SPIDR: variants seen among roughly 807,000 people sequenced by gnomAD.
SPIDR encodes scaffold protein involved in DNA repair.
Under a neutral mutation model 104.6 loss-of-function variants are expected in SPIDR, and 93 were observed. That is an observed-to-expected ratio of 0.89 (90% confidence interval 0.75 to 1.06). The LOEUF is 1.06. SPIDR is among the 50% of genes least tolerant of loss of function. The pLI is 0.00. For missense variants in SPIDR, 1,154 were observed against 1,111.2 expected (o/e 1.04, Z -0.55); for synonymous variants, 431 against 416.9 (o/e 1.03, Z -0.41).
chr8:47,284,020 G>A lies in SPIDR; in HGVS notation c.190-8G>A, dbSNP rs2038324364. On this transcript the variant is annotated splice_region_variant and splice_polypyrimidine_tract_variant and intron_variant, in intron 2 of 19. Transcript: ENST00000297423. ...ACATAAATTCCATGATTATTATTTT[G>A]CCTACAGTCATTAACAGCTGAAGAG... is the stretch of plus-strand genomic sequence containing the variant. The A allele has an allele frequency of 6.3e-7, 1 of 1,598,896 alleles. No homozygotes were observed. The highest frequency in any genetic ancestry group is 1.3e-5 in the African/African-American group (1 of 74,224).
intron 8 of SPIDR, among the ~76,000 whole-genome samples, chr8:47,582,977 GT>G (rs1212460426): frequency 1.3e-5 from 2 of 151,464 alleles, no homozygotes; most frequent in Non-Finnish European, 2.9e-5. Context: ...GTTATGTCTA[GT>G]TTTTTTTGTG....
At chr8:47,401,729 G>C (rs1395313840) in intron 6 of SPIDR, among the ~76,000 whole-genome samples, 1 of 152,130 alleles carries the variant, frequency 6.6e-6, no homozygotes, top group African/African-American at 2.4e-5. Flanking sequence ...GATCAAAAGA[G>C]ACAAAGAAGG....
intron 19 of SPIDR, among the ~76,000 whole-genome samples, chr8:47,732,917 G>A (rs755347735): frequency 1.8e-4 from 27 of 152,306 alleles, no homozygotes; most frequent in Non-Finnish European, 3.4e-4. Flanking sequence ...CATTATTGTG[G>A]CATGGAACTT....
At chr8:47,447,282 C>T (rs899794425) in intron 8 of SPIDR, among the ~76,000 whole-genome samples, 6 of 152,184 alleles carry the variant, frequency 3.9e-5, no homozygotes, top group African/African-American at 1.4e-4. Flanking sequence ...GGCACAGTCT[C>T]GGCTCACTGC....
chr8:47,534,563 G>A (rs1240622022), intron 8 of SPIDR, among the ~76,000 whole-genome samples: 2 of 152,176 alleles, frequency 1.3e-5, no homozygotes, highest in Admixed American at 6.5e-5. Context: ...TCACTTAAAA[G>A]TGGGAGCTAA....
Position 47,373,635 on chromosome 8 carries a change from G to A in SPIDR, c.526-22741G>A, listed in dbSNP as rs182087103. Among the ~76,000 whole-genome samples the A allele has an allele frequency of 4.0e-3, 614 of 152,102 alleles. 3 individuals are homozygous for A. Among genetic ancestry groups the A allele is most frequent in the South Asian group, 0.022 (108 of 4,824 alleles). The stretch of plus-strand genomic sequence containing the variant: ...GTATATGCTCTAGCCATATTGCTTC[G>A]GTGATTTTCAGTAGATTAAGTCATC... On this transcript the variant is annotated intron_variant, in intron 5 of 19. Transcript: ENST00000297423.
chr8:47,284,225 C>A, intron 3 of SPIDR, 131 bp downstream of exon 3: 1 of 637,686 alleles, frequency 1.6e-6, no homozygotes, highest in East Asian at 2.7e-5. Flanking sequence ...TAAAAAACAT[C>A]AAGATAAGGT....
At position 47,692,487 on chromosome 8, in the gene SPIDR, CTTTTTTT is replaced by C. The variant is rs1171012398; in HGVS notation, c.1686-7899_1686-7893del. Among the ~76,000 whole-genome samples, 600 of 119,290 alleles carry C rather than the reference CTTTTTTT, an allele frequency of 5.0e-3. 13 individuals carry two copies. The highest frequency in any genetic ancestry group is 6.5e-3 in the South Asian group (24 of 3,688). 78.3% of individuals were successfully genotyped at this position (119,290 alleles called of 152,430 possible). A position where few individuals can be genotyped will look rare whatever the true frequency, so the allele number is the denominator to read the frequency against. ...ATGATGTAACATGTATCAGAATTTC[CTTTTTTT>C]TTTTTTTTTTTTTTTTCTTTGAGAC... is the stretch of plus-strand genomic sequence containing the variant. On this transcript the variant is annotated intron_variant, in intron 11 of 19. Transcript: ENST00000297423.
chr8:47,636,877 A>G (rs1199382666), intron 10 of SPIDR, among the ~76,000 whole-genome samples: 2 of 152,060 alleles, frequency 1.3e-5, no homozygotes, highest in African/African-American at 4.8e-5. Context: ...TACTAGTGAC[A>G]GAACAGTAAG....
At chr8:47,359,449 C>T (rs1554628401) in intron 5 of SPIDR, among the ~76,000 whole-genome samples, 1 of 152,030 alleles carries the variant, frequency 6.6e-6, no homozygotes, top group Non-Finnish European at 1.5e-5. Context: ...CTGGAACAGC[C>T]TTTCTTCTGG....
At chr8:47,597,211 C>T (rs1299709255) in intron 9 of SPIDR, among the ~76,000 whole-genome samples, 1 of 152,114 alleles carries the variant, frequency 6.6e-6, no homozygotes, top group Non-Finnish European at 1.5e-5. Context: ...ATGCAACTGG[C>T]AACACACTAC....
At chr8:47,711,138 T>C (rs1381357937) in intron 14 of SPIDR, among the ~76,000 whole-genome samples, 1 of 152,216 alleles carries the variant, frequency 6.6e-6, no homozygotes, top group African/African-American at 2.4e-5. Flanking sequence ...TGTATTCATT[T>C]TGATGCTCAA....
intron 8 of SPIDR, among the ~76,000 whole-genome samples, chr8:47,501,944 G>A (rs915671344): frequency 1.3e-5 from 2 of 152,264 alleles, no homozygotes; most frequent in East Asian, 1.9e-4. Context: ...GCTGGATTAT[G>A]TTTATTGATT....
At chr8:47,385,328 A>T (rs1375548127) in intron 5 of SPIDR, among the ~76,000 whole-genome samples, 1 of 152,110 alleles carries the variant, frequency 6.6e-6, no homozygotes, top group Non-Finnish European at 1.5e-5. Flanking sequence ...GATCTGTCAC[A>T]TTGTTTCTAA....
Position 47,429,201 on chromosome 8 carries a change from G to A in SPIDR, c.878-11122G>A, listed in dbSNP as rs571498898. ...TCTTACTAGAATTTAATAATGCCAAGTTATTTGATAATTTTATTAAAAATA... is the reference window on the plus strand; with the variant it reads ...TCTTACTAGAATTTAATAATGCCAAATTATTTGATAATTTTATTAAAAATA... On this transcript the variant is annotated intron_variant, in intron 7 of 19. Transcript: ENST00000297423. 1.3e-4 allele frequency among the ~76,000 whole-genome samples: 20 copies of A among 152,276 alleles called. No homozygotes were observed. The South Asian group carries it at 2.1e-3, about 16-fold the overall frequency.
At chr8:47,406,091 CTT>C (rs548168516) in intron 6 of SPIDR, among the ~76,000 whole-genome samples, 5 of 135,068 alleles carry the variant, frequency 3.7e-5, no homozygotes, top group South Asian at 2.4e-4. Flanking sequence ...TTCATTTTGC[CTT>C]TTTTTTTTTT....
chr8:47,350,161 A>G (rs2053179620), intron 5 of SPIDR, among the ~76,000 whole-genome samples: 1 of 152,228 alleles, frequency 6.6e-6, no homozygotes, highest in African/African-American at 2.4e-5. Flanking sequence ...CCCCATTTTA[A>G]TGAAATTTGT....
intron 6 of SPIDR, among the ~76,000 whole-genome samples, chr8:47,404,274 C>T (rs1344441914): frequency 1.3e-5 from 2 of 152,214 alleles, no homozygotes; most frequent in Non-Finnish European, 2.9e-5. Flanking sequence ...CAATACCATT[C>T]AGGCCATAGG....
chr8:47,683,154 C>A (rs1438509846), intron 11 of SPIDR, among the ~76,000 whole-genome samples: 1 of 152,210 alleles, frequency 6.6e-6, no homozygotes, highest in Admixed American at 6.5e-5. Flanking sequence ...GAAGCTAAAA[C>A]TATTTAAAAC....
Sources: allele counts gnomAD v4.1 joint callset (sites outside exome capture counted in the v4.1 genomes callset), GRCh38; gene constraint gnomAD v4.1.1; transcripts MANE v1.5; gene names NCBI Gene and HGNC (gene_info 2026-07-23, HGNC 2026-07-21).